Variants in PPA1 observed in about 807,000 individuals in gnomAD.
PPA1 encodes inorganic pyrophosphatase.
A neutral mutation model predicts 41.8 loss-of-function variants in PPA1; 23 were observed. That is an observed-to-expected ratio of 0.55 (90% confidence interval 0.40 to 0.78). PPA1 has a LOEUF of 0.78. PPA1 is among the 30% of genes least tolerant of loss of function. The pLI, the probability that PPA1 is intolerant of heterozygous loss-of-function variation, is 0.00. For synonymous variants in PPA1, 101 were observed against 116.8 expected, an observed-to-expected ratio of 0.86 and a Z score of 0.87; for missense variants, 320 against 361.6, an observed-to-expected ratio of 0.89 and a Z score of 0.93.
chr10:70,233,139 G>T, intron 1 of PPA1, 125 bp downstream of exon 1: 3 of 1,118,392 alleles, frequency 2.7e-6, no homozygotes, highest in Non-Finnish European at 3.6e-6. Flanking sequence ...CCCACAACGC[G>T]CCCGAGGAGA....
At chr10:70,210,530 C>A in intron 6 of PPA1, 1 of 975,004 alleles carries the variant, frequency 1.0e-6, no homozygotes, top group Non-Finnish European at 1.4e-6. Flanking sequence ...TACTTTAGTT[C>A]TGGCTGACAG....
chr10:70,207,945 C>T (rs1165460089), intron 8 of PPA1, among the ~76,000 whole-genome samples: 1 of 152,144 alleles, frequency 6.6e-6, no homozygotes, highest in Non-Finnish European at 1.5e-5. Context: ...GTAATCCCAC[C>T]ACTTTGGGAG....
chr10:70,233,129 C>T (rs1840307485), intron 1 of PPA1, 135 bp downstream of exon 1: 1 of 1,030,556 alleles, frequency 9.7e-7, no homozygotes, highest in Non-Finnish European at 1.3e-6. Context: ...CCGGCCAGGC[C>T]CCACAACGCG....
At chr10:70,222,757 T>C (rs944980376) in intron 2 of PPA1, among the ~76,000 whole-genome samples, 2 of 152,160 alleles carry the variant, frequency 1.3e-5, no homozygotes, top group Non-Finnish European at 2.9e-5. Context: ...ACATGTGCCA[T>C]GTTGCATGTT....
chr10:70,214,631 A>C (rs765295158), intron 4 of PPA1, 45 bp from the exon 5 acceptor site: 29 of 1,452,166 alleles, frequency 2.0e-5, no homozygotes, highest in Non-Finnish European at 2.7e-5. Context: ...CATACTGACA[A>C]AATGGATCAT....
At chr10:70,217,727 G>T in intron 4 of PPA1, 85 bp downstream of exon 4, 2 of 1,229,288 alleles carry the variant, frequency 1.6e-6, no homozygotes, top group East Asian at 2.6e-5. Flanking sequence ...CTCTCCACAG[G>T]TATTCAAACC....
intron 6 of PPA1, among the ~76,000 whole-genome samples, chr10:70,212,861 C>T (rs1459350212): frequency 6.7e-6 from 1 of 149,564 alleles, no homozygotes; most frequent in Non-Finnish European, 1.5e-5. Flanking sequence ...CTGATACATA[C>T]TACAATACGG....
chr10:70,216,667 T>C (rs1201237701), intron 4 of PPA1, among the ~76,000 whole-genome samples: 1 of 152,190 alleles, frequency 6.6e-6, no homozygotes, highest in African/African-American at 2.4e-5. Flanking sequence ...AAACCATTTA[T>C]CAACAGCAAA....
rs774104783 is a variant in PPA1, at chr10:70,206,259, C to A, written c.795+5G>T. 9.3e-6 allele frequency: 15 copies of A among 1,605,910 alleles called. No homozygotes were observed. Among genetic ancestry groups the A allele is most frequent in the Non-Finnish European group, 8.5e-7 (1 of 1,173,148 alleles). On this transcript the variant is annotated splice_donor_5th_base_variant and intron_variant, in intron 9 of 10. Transcript: ENST00000373232. The stretch of plus-strand genomic sequence containing the variant: ...TGTTTTTTTTTTAAGGAAACTTTTA[C>A]ATACAGCATCCACAATGGCTCTGGC...
chr10:70,210,008 A>C, intron 6 of PPA1: 1 of 330,926 alleles, frequency 3.0e-6, no homozygotes, highest in African/African-American at 2.2e-5. Context: ...GTGGCTACAT[A>C]ATGAAACAAC....
In PPA1 at chr10:70,214,602, A is replaced by C. The variant is rs1304321492; in HGVS notation, c.298-16T>G. 5.0e-6 allele frequency: 8 copies of C among 1,588,166 alleles called. No individual in the cohort carries two copies. Among genetic ancestry groups the C allele is most frequent in the Middle Eastern group, 3.3e-4 (2 of 6,016 alleles). ...CTTCCCAAGTCTAAAAATATAAGAC[A>C]GTGTATATCATTCCTATACATACTG... On this transcript the variant is annotated splice_polypyrimidine_tract_variant and intron_variant, in intron 4 of 10. Transcript: ENST00000373232.
At chr10:70,219,993 T>C (rs1440129371) in intron 2 of PPA1, among the ~76,000 whole-genome samples, 1 of 150,184 alleles carries the variant, frequency 6.7e-6, no homozygotes, top group Non-Finnish European at 1.5e-5. Flanking sequence ...AGTGGCACAA[T>C]CTTGGCTCAC....
intron 8 of PPA1, among the ~76,000 whole-genome samples, chr10:70,208,284 T>C (rs1009040933): frequency 7.9e-5 from 12 of 152,052 alleles, no homozygotes; most frequent in East Asian, 3.8e-4. Flanking sequence ...ACCATTTTCA[T>C]AGAAATCGTA....
At chr10:70,204,944 G>A (rs1157708994) in intron 9 of PPA1, 29 bp from the exon 10 acceptor site, 3 of 1,525,302 alleles carry the variant, frequency 2.0e-6, no homozygotes, top group African/African-American at 1.4e-5. Flanking sequence ...AAATCTATTA[G>A]TCTAATCTCA....
intron 2 of PPA1, among the ~76,000 whole-genome samples, chr10:70,229,918 CT>C (rs1025965293): frequency 1.3e-5 from 2 of 150,546 alleles, no homozygotes; most frequent in African/African-American, 2.4e-5. Context: ...GTCAATGGAC[CT>C]TTTTTTTTGA....
At chr10:70,211,837 CG>C (rs1840023989) in intron 6 of PPA1, among the ~76,000 whole-genome samples, 2 of 152,190 alleles carry the variant, frequency 1.3e-5, no homozygotes, top group African/African-American at 4.8e-5. Flanking sequence ...AGAACAGAGC[CG>C]TACTACCAAG....
intron 2 of PPA1, among the ~76,000 whole-genome samples, chr10:70,220,444 ATGTG>A (rs150893453): frequency 1.5e-5 from 2 of 129,268 alleles, no homozygotes; most frequent in Non-Finnish European, 3.1e-5. Context: ...ATATGTATAT[ATGTG>A]TGTGTGTGTG....
chr10:70,205,636 C>T (rs1214682848), intron 9 of PPA1: 1 of 152,082 alleles, frequency 6.6e-6, no homozygotes, highest in Non-Finnish European at 1.5e-5. Context: ...CTGGTTTCAT[C>T]ATTAAATTGT....
At chr10:70,230,680 C>T (rs1240447724) in intron 1 of PPA1, among the ~76,000 whole-genome samples, 1 of 152,130 alleles carries the variant, frequency 6.6e-6, no homozygotes, top group African/African-American at 2.4e-5. Context: ...GTTCCCCAGG[C>T]TGGTCTCCAA....
Sources: allele counts gnomAD v4.1 joint callset (sites outside exome capture counted in the v4.1 genomes callset), GRCh38; gene constraint gnomAD v4.1.1; transcripts MANE v1.5; gene names NCBI Gene and HGNC (gene_info 2026-07-23, HGNC 2026-07-21).